The following PKHD1L1 variants were observed in gnomAD, a reference collection of about 807,000 sequenced individuals.
PKHD1L1 encodes PKHD1 like 1, also known as fibrocystin-L.
Under a neutral mutation model 462.9 loss-of-function variants are expected in PKHD1L1, and 434 were observed. The ratio of observed to expected loss-of-function variants is 0.94; its 90% CI spans 0.87 to 1.02. The LOEUF is 1.02. PKHD1L1 is among the 50% of genes least tolerant of loss of function. PKHD1L1 has a pLI of 0.00. For synonymous variants in PKHD1L1, 1,781 were observed against 1,750.0 expected (o/e 1.02, Z -0.44); for missense variants, 5,202 against 5,096.1 (o/e 1.02, Z -0.63).
intron 70 of PKHD1L1, among the ~76,000 whole-genome samples, chr8:109,509,682 A>G (rs1163662112): frequency 3.3e-5 from 5 of 151,922 alleles, no homozygotes; most frequent in Admixed American, 3.3e-4. Context: ...TTTATGTTAT[A>G]CATGGATATT....
At chr8:109,420,835 G>T (rs1814425387) in intron 23 of PKHD1L1, 145 bp downstream of exon 23, 16 of 607,318 alleles carry the variant, frequency 2.6e-5, no homozygotes, top group Non-Finnish European at 4.0e-5. Context: ...TATGAAAATT[G>T]ACTTTAAGTA....
chr8:109,451,726 C>A (rs894884834), intron 41 of PKHD1L1, among the ~76,000 whole-genome samples: 2 of 152,174 alleles, frequency 1.3e-5, no homozygotes, highest in Admixed American at 6.5e-5. Flanking sequence ...TTATGATTAC[C>A]TTGAACTTGC....
chr8:109,480,178 C>G lies in PKHD1L1; in HGVS notation c.9327+39C>G, dbSNP rs372718786. On this transcript the variant is annotated intron_variant, in intron 55 of 77. Coordinates refer to ENST00000378402, the MANE Select transcript of PKHD1L1 (RefSeq NM_177531.6). The stretch of plus-strand genomic sequence containing the variant: ...CCTTGTAGTTTATATCTTTATTAAT[C>G]TAATTCTAAAATGTGTATTTACTCA... The G allele has an allele frequency of 8.3e-5, 124 of 1,497,390 alleles. No homozygotes were observed. In the African/African-American group the frequency reaches 1.7e-3, roughly 20 times the overall value. 92.8% of individuals were successfully genotyped at this position (1,497,390 alleles called of 1,614,324 possible).
At chr8:109,425,004 G>A (rs1814662331) in intron 23 of PKHD1L1, 81 bp from the exon 24 acceptor site, 1 of 1,190,440 alleles carries the variant, frequency 8.4e-7, no homozygotes, top group African/African-American at 1.6e-5. Flanking sequence ...TCATGTCACA[G>A]GATTGTACCA....
In PKHD1L1 at chr8:109,507,988, C is replaced by G. The variant is rs374361910; in HGVS notation, c.11227+93C>G. On this transcript the variant is annotated intron_variant, in intron 69 of 77. Transcript: ENST00000378402. ...AATGACTTGCCTACTCAACCAATAA[C>G]TTTTATTTTCTACTTCTTAAACTAG... is the stretch of plus-strand genomic sequence containing the variant. 1.3e-4 allele frequency: 189 copies of G among 1,507,126 alleles called. No homozygotes were observed. In the East Asian group the frequency reaches 3.7e-3, roughly 29 times the overall value. The allele number at this position is 1,507,126 out of a possible 1,614,324, so 93.4% of individuals were successfully genotyped here.
At chr8:109,395,767 T>G (rs1812939512) in intron 10 of PKHD1L1, among the ~76,000 whole-genome samples, 1 of 152,192 alleles carries the variant, frequency 6.6e-6, no homozygotes. Context: ...TCTTTAATGC[T>G]CGCATTACCA....
intron 71 of PKHD1L1, 70 bp downstream of exon 71, chr8:109,511,004 T>G: frequency 6.6e-7 from 1 of 1,505,102 alleles, no homozygotes; most frequent in Non-Finnish European, 9.1e-7. Context: ...CTAAGGCTTG[T>G]ACCTCCTCCC....
At chr8:109,403,294 A>G (rs1338163749) in intron 14 of PKHD1L1, among the ~76,000 whole-genome samples, 1 of 152,154 alleles carries the variant, frequency 6.6e-6, no homozygotes, top group Non-Finnish European at 1.5e-5. Flanking sequence ...CATTTTACTC[A>G]AATATTAAAA....
rs1815336231 is a variant in PKHD1L1, at chr8:109,435,188, A to G, written c.3341-2A>G. ...TCTTCATCTTTTTCTTTTTTTCACAAGAAAAAGAGCTCAAGTGCCAGATTC... is the reference window on the plus strand; with the variant it reads ...TCTTCATCTTTTTCTTTTTTTCACAGGAAAAAGAGCTCAAGTGCCAGATTC... On this transcript the variant is annotated splice_acceptor_variant, in intron 28 of 77. Coordinates refer to ENST00000378402, the MANE Select transcript of PKHD1L1 (RefSeq NM_177531.6). LOFTEE classifies it high-confidence loss of function. The G allele has an allele frequency of 6.2e-7, 1 of 1,611,598 alleles. No homozygotes were observed. The highest frequency in any genetic ancestry group is 1.1e-5 in the South Asian group (1 of 90,356).
Position 109,430,020 on chromosome 8 carries a change from C to A in PKHD1L1, c.3212C>A (p.Ala1071Glu). 6.2e-7 allele frequency: 1 copy of A among 1,606,088 alleles called. No individual in the cohort carries two copies. Among genetic ancestry groups the A allele is most frequent in the Non-Finnish European group, 8.5e-7 (1 of 1,177,102 alleles). Residue 1071 changes from alanine to glutamate, a missense_variant, in exon 27 of 78, where the codon GCG becomes GAG. By Grantham distance (107) the Ala-to-Glu change is moderately radical (BLOSUM62 -1). Transcript: ENST00000378402. ...TCCAACATTACTCCCCTAGTCTTGG[C>A]GATAAGCCCTTCTCAAGGTAACTTC... The part of the protein sequence containing the change: ...WDSNITPLVL[A>E]ISPSQGSYEE...
chr8:109,506,369 G>C (rs1241817629), intron 68 of PKHD1L1, among the ~76,000 whole-genome samples: 1 of 152,168 alleles, frequency 6.6e-6, no homozygotes, highest in Non-Finnish European at 1.5e-5. Context: ...ACTGATTCAG[G>C]AGTACAAGAC....
rs766012897 is a variant in PKHD1L1, at chr8:109,510,778, C to T, written c.11397C>T (p.Gly3799=). Residue 3799 remains glycine (G), a splice_region_variant and synonymous_variant, in exon 71 of 78, where the codon GGC becomes GGT. Transcript: ENST00000378402. ...MGNGYVDLIN[G]PQDHGWCAGY... ...CACTTTCATTTTGCATGGATTTAGG[C>T]CCACAGGATCATGGCTGGTGTGCTG... 1.2e-6 allele frequency: 2 copies of T among 1,611,716 alleles called. No homozygotes were observed.
At chr8:109,453,456 A>ATT (rs1209820491) in intron 43 of PKHD1L1, among the ~76,000 whole-genome samples, 3 of 152,200 alleles carry the variant, frequency 2.0e-5, no homozygotes, top group Non-Finnish European at 4.4e-5. Context: ...TGATAATTGC[A>ATT]TGTAAAAGAA....
Position 109,532,321 on chromosome 8 carries a change from CATA to C in PKHD1L1, c.*2237_*2239del, listed in dbSNP as rs1368960421. On this transcript the variant is annotated 3_prime_UTR_variant, in exon 78 of 78. Transcript: ENST00000378402. Reference sequence around the variant, plus strand: ...CTTTTTAAGAACATTCTAGAATTATCATAATAATTCCTTATTCCAGATAAATTA... The same window carrying C: ...CTTTTTAAGAACATTCTAGAATTATCATAATTCCTTATTCCAGATAAATTA... Among the ~76,000 whole-genome samples, 14 of 152,156 alleles carry C rather than the reference CATA, an allele frequency of 9.2e-5. No homozygotes were observed. Among genetic ancestry groups the C allele is most frequent in the Non-Finnish European group, 1.5e-4 (10 of 68,020 alleles).
rs369575692 is a variant in PKHD1L1, at chr8:109,396,119, G to T, written c.904G>T (p.Val302Phe). The T allele has an allele frequency of 6.2e-7, 1 of 1,607,218 alleles. No homozygotes were observed. Among genetic ancestry groups the T allele is most frequent in the South Asian group, 1.1e-5 (1 of 89,230 alleles). Residue 302 changes from valine (V) to phenylalanine (F), a missense_variant, in exon 11 of 78, where the codon GTC (valine) becomes TTC (phenylalanine). Physicochemically the swap from Val to Phe is conservative, Grantham distance 50. Around this residue, in one of 3 missense-constraint regions of PKHD1L1, gnomAD observed 4,497 missense variants for 4,336.8 expected, o/e 1.04. Coordinates refer to ENST00000378402, the MANE Select transcript of PKHD1L1 (RefSeq NM_177531.6). ...TTTCTTTGATCAGACAGATTTCCCC[G>T]TCAGAGTTCTAGTTGGAGGTATTTC... ...GRFFDQTDFP[V>F]RVLVGGEPCD...
intron 4 of PKHD1L1, among the ~76,000 whole-genome samples, chr8:109,383,694 CTGTT>C (rs1290419466): frequency 4.0e-5 from 6 of 151,564 alleles, no homozygotes; most frequent in African/African-American, 1.2e-4. Context: ...ACGTGGAACT[CTGTT>C]TGGTTTTCTG....
In PKHD1L1 at chr8:109,534,906, A is replaced by AG. The variant is rs1472390191; in HGVS notation, c.*4818dup. 3.3e-5 allele frequency among the ~76,000 whole-genome samples: 2 copies of AG among 61,248 alleles called. No individual in the cohort carries two copies. The highest frequency in any genetic ancestry group is 9.3e-5 in the Non-Finnish European group (2 of 21,434). 40.2% of individuals were successfully genotyped at this position (61,248 alleles called of 152,430 possible). On this transcript the variant is annotated 3_prime_UTR_variant, in exon 78 of 78. Coordinates refer to ENST00000378402, the MANE Select transcript of PKHD1L1 (RefSeq NM_177531.6). ...TCACCCATGAATGTGACTTTATTAG[A>AG]GGTTTTTTTTTTAGGTTAAGGACTA...
In PKHD1L1 at chr8:109,451,153, C is replaced by T; in HGVS notation, c.6350+4C>T. The T allele has an allele frequency of 6.3e-7, 1 of 1,598,042 alleles. No individual in the cohort carries two copies. The highest frequency in any genetic ancestry group is 8.5e-7 in the Non-Finnish European group (1 of 1,170,076). ...CAGTCGTGGGATCAGGATTCAGGTA[C>T]TGTCTCCACACAAACACGCATCATT... On this transcript the variant is annotated splice_donor_region_variant and intron_variant, in intron 41 of 77. Coordinates refer to ENST00000378402, the MANE Select transcript of PKHD1L1 (RefSeq NM_177531.6).
Position 109,534,034 on chromosome 8 carries a change from G to C in PKHD1L1, c.*3944G>C, listed in dbSNP as rs1282539861. Among the ~76,000 whole-genome samples the C allele has an allele frequency of 2.0e-5, 3 of 152,210 alleles. No individual in the cohort carries two copies. On this transcript the variant is annotated 3_prime_UTR_variant, in exon 78 of 78. Coordinates refer to ENST00000378402, the MANE Select transcript of PKHD1L1 (RefSeq NM_177531.6). Reference sequence around the variant, plus strand: ...AATCTCCTGCTTTCATCAGATGTCTGAGATGGCAAAATTTGGAAGGATCAA... The same window carrying C: ...AATCTCCTGCTTTCATCAGATGTCTCAGATGGCAAAATTTGGAAGGATCAA...
Sources: allele counts gnomAD v4.1 joint callset (sites outside exome capture counted in the v4.1 genomes callset), GRCh38; gene constraint gnomAD v4.1.1; regional missense constraint gnomAD v4.1.1; transcripts MANE v1.5; gene names NCBI Gene and HGNC (gene_info 2026-07-23, HGNC 2026-07-21).